The following GABRR2 variants were observed in gnomAD, a reference collection of about 807,000 sequenced individuals.
GABRR2 encodes the protein gamma-aminobutyric acid receptor subunit rho-2.
A neutral mutation model predicts 47.0 loss-of-function variants in GABRR2; 36 were observed. That is an observed-to-expected ratio of 0.77 (90% CI 0.59 to 1.01). The LOEUF (loss-of-function observed/expected upper bound fraction) is 1.01, where lower values mean the gene tolerates loss of function less well. GABRR2 is among the 50% of genes least tolerant of loss of function. The pLI is 0.00. For missense variants in GABRR2, 587 were observed against 594.6 expected (o/e 0.99, Z 0.13); for synonymous variants, 204 against 227.5 (o/e 0.90, Z 0.93).
At position 89,257,682 on chromosome 6, in the gene GABRR2, T is replaced by A. The variant is rs372927732; in HGVS notation, c.1386A>T (p.Ser462=). 3.6e-5 allele frequency: 58 copies of A among 1,612,352 alleles called. No homozygotes were observed. Among genetic ancestry groups the A allele is most frequent in the Non-Finnish European group, 4.4e-5 (52 of 1,179,040 alleles). ...SYIFFNLIYW[S]VFS is the part of the protein sequence containing the mutation. ...AGCCTTGGAGCCCCTAGGAAAACACTGACCAATAAATTAAGTTGAAAAATA... is the reference window on the plus strand; with the variant it reads ...AGCCTTGGAGCCCCTAGGAAAACACAGACCAATAAATTAAGTTGAAAAATA... Residue 462 remains serine, a synonymous_variant, in exon 9 of 9, where the codon TCA becomes TCT. Transcript: ENST00000402938.
At chr6:89,313,868 G>C (rs1767717545) in intron 1 of GABRR2, among the ~76,000 whole-genome samples, 1 of 152,158 alleles carries the variant, frequency 6.6e-6, no homozygotes, top group Admixed American at 6.5e-5. Flanking sequence ...AGTGAGCCAA[G>C]ATTGCGCCAC....
chr6:89,313,446 C>T (rs141530040), intron 1 of GABRR2, among the ~76,000 whole-genome samples: 834 of 152,300 alleles, frequency 5.5e-3, no homozygotes, highest in Non-Finnish European at 9.0e-3. Context: ...CACTCAACAG[C>T]CATTCACGTT....
intron 2 of GABRR2, among the ~76,000 whole-genome samples, chr6:89,296,619 C>T (rs1189910353): frequency 6.6e-6 from 1 of 152,188 alleles, no homozygotes; most frequent in Admixed American, 6.5e-5. Context: ...CTTACCCAGG[C>T]AGGGGCAGGG....
intron 2 of GABRR2, among the ~76,000 whole-genome samples, chr6:89,296,988 G>T (rs1004717175): frequency 3.3e-5 from 5 of 152,180 alleles, no homozygotes; most frequent in African/African-American, 1.2e-4. Flanking sequence ...CCAGGTGATG[G>T]CCCAGGCTCC....
intron 2 of GABRR2, among the ~76,000 whole-genome samples, chr6:89,283,780 G>A (rs144975561): frequency 3.3e-5 from 5 of 152,328 alleles, no homozygotes; most frequent in African/African-American, 1.2e-4. Context: ...GAATAGCACA[G>A]GCTCAGGGAG....
Position 89,264,382 on chromosome 6 carries a change from C to T in GABRR2, c.1086+30G>A. The T allele has an allele frequency of 1.9e-6, 3 of 1,601,450 alleles. No homozygotes were observed. In the South Asian group the frequency reaches 3.3e-5, roughly 18 times the overall value. ...CTTCATTTTCACCCAGCAGCATGGA[C>T]TTAGACAAGGGCCGAAGAAGCCCTC... On this transcript the variant is annotated intron_variant, in intron 8 of 8. Coordinates refer to ENST00000402938, the MANE Select transcript of GABRR2 (RefSeq NM_002043.5).
intron 1 of GABRR2, chr6:89,303,008 A>G (rs1190656473): frequency 1.6e-6 from 2 of 1,280,074 alleles, no homozygotes; most frequent in African/African-American, 1.5e-5. Flanking sequence ...AGCAACATGA[A>G]TGACCTGGTG....
chr6:89,267,901 CAGAA>C, intron 5 of GABRR2, 82 bp from the exon 6 acceptor site: 1 of 1,585,900 alleles, frequency 6.3e-7, no homozygotes, highest in Middle Eastern at 1.8e-4. Flanking sequence ...TATGCCAGTC[CAGAA>C]GTAAATAGGT....
chr6:89,297,517 C>A (rs1276826956), intron 2 of GABRR2, among the ~76,000 whole-genome samples: 3 of 151,950 alleles, frequency 2.0e-5, no homozygotes, highest in Non-Finnish European at 4.4e-5. Context: ...TATATATGTA[C>A]CTTGATTAGA....
intron 2 of GABRR2, 72 bp from the exon 3 acceptor site, chr6:89,271,794 G>A: frequency 7.4e-7 from 1 of 1,347,170 alleles, no homozygotes; most frequent in Non-Finnish European, 1.0e-6. Flanking sequence ...GCCCCAGTTG[G>A]CTTCCCCCGG....
At chr6:89,273,417 A>G (rs1380586018) in intron 2 of GABRR2, among the ~76,000 whole-genome samples, 1 of 152,158 alleles carries the variant, frequency 6.6e-6, no homozygotes, top group Non-Finnish European at 1.5e-5. Context: ...TATTTTTAGT[A>G]GAGGCCAGGG....
intron 3 of GABRR2, among the ~76,000 whole-genome samples, chr6:89,270,857 G>A (rs909718919): frequency 3.3e-5 from 5 of 152,148 alleles, no homozygotes; most frequent in Non-Finnish European, 7.3e-5. Context: ...TGCATTCATG[G>A]AGCTTATAGT....
At chr6:89,273,355 C>T (rs940619604) in intron 2 of GABRR2, among the ~76,000 whole-genome samples, 4 of 152,216 alleles carry the variant, frequency 2.6e-5, no homozygotes, top group Non-Finnish European at 5.9e-5. Flanking sequence ...GCTTCAGCCT[C>T]CTGAGTGGCT....
intron 8 of GABRR2, 85 bp downstream of exon 8, chr6:89,264,326 AC>A (rs1773825835): frequency 1.4e-6 from 2 of 1,431,406 alleles, no homozygotes; most frequent in Middle Eastern, 1.8e-4. Context: ...TCTACATGCA[AC>A]CCCTGCCTCT....
intron 2 of GABRR2, among the ~76,000 whole-genome samples, chr6:89,294,546 G>A (rs1259327490): frequency 1.3e-5 from 2 of 152,092 alleles, no homozygotes; most frequent in Non-Finnish European, 2.9e-5. Context: ...GATATTGAGG[G>A]ACATCTTTGC....
chr6:89,291,500 A>C (rs1774439499), intron 2 of GABRR2, among the ~76,000 whole-genome samples: 2 of 151,736 alleles, frequency 1.3e-5, no homozygotes, highest in Non-Finnish European at 2.9e-5. Flanking sequence ...GATATAATCC[A>C]GCCACGTGGA....
intron 1 of GABRR2, among the ~76,000 whole-genome samples, chr6:89,307,814 C>CTTTTTTTTTTT (rs1247224346): frequency 8.0e-6 from 1 of 125,292 alleles, no homozygotes; most frequent in Non-Finnish European, 1.7e-5. Context: ...ACTTCATTCA[C>CTTTTTTTTTTT]TTTTTTTTTT....
rs766798013 is a variant in GABRR2 at position 89,257,870 on chromosome 6, C to T, written c.1198G>A (p.Glu400Lys). 2.4e-5 allele frequency: 39 copies of T among 1,613,948 alleles called. No individual in the cohort carries two copies. The highest frequency in any genetic ancestry group is 2.9e-5 in the Non-Finnish European group (34 of 1,179,902). The change falls in exon 9 of 9, where the codon GAA (glutamate) becomes AAA (lysine). Residue 400 changes from glutamate (E) to lysine (K), a missense_variant. Glu to Lys is a moderately conservative substitution (Grantham distance 56). Coordinates refer to ENST00000402938, the MANE Select transcript of GABRR2 (RefSeq NM_002043.5). ...AGYPRSHILTEEERQDKIVVH... is the reference protein window; with the variant it reads ...AGYPRSHILTKEERQDKIVVH... ...ACTATTTTGTCTTGCCTTTCTTCTT[C>T]TGTCAGGATATGGCTTCTGGGGTAC... is the stretch of plus-strand genomic sequence containing the variant.
chr6:89,306,857 AAGG>A (rs1373076928), intron 1 of GABRR2, among the ~76,000 whole-genome samples: 1 of 152,168 alleles, frequency 6.6e-6, no homozygotes, highest in Non-Finnish European at 1.5e-5. Flanking sequence ...AAAAAGGAAA[AAGG>A]AGGAAGAGAA....
Sources: gnomAD v4.1 joint callset for allele counts (sites outside exome capture counted in the v4.1 genomes callset) on GRCh38, gnomAD v4.1.1 for gene constraint, MANE v1.5 for transcripts, NCBI Gene and HGNC (gene_info 2026-07-23, HGNC 2026-07-21) for gene names.